RNF216: variants seen among roughly 807,000 people sequenced by gnomAD.
The protein encoded by RNF216 is E3 ubiquitin-protein ligase RNF216.
RNF216 carries 72 observed loss-of-function variants against 110.8 expected under a neutral mutation model. The observed-to-expected ratio is 0.65, with a 90% confidence interval of 0.54 to 0.79. The LOEUF is 0.79. RNF216 is among the 30% of genes least tolerant of loss of function. The pLI is 0.00. For synonymous variants in RNF216, 495 were observed against 407.5 expected (o/e 1.21, Z -2.59); for missense variants, 1,342 against 1,141.2 (o/e 1.18, Z -2.54).
chr7:5,707,417 TTC>T (rs1792363753), intron 13 of RNF216, among the ~76,000 whole-genome samples: 1 of 152,224 alleles, frequency 6.6e-6, no homozygotes, highest in African/African-American at 2.4e-5. Context: ...TTTTCTTAAT[TTC>T]TCTTTTTGGA....
intron 13 of RNF216, among the ~76,000 whole-genome samples, chr7:5,685,994 G>T (rs144046564): frequency 6.6e-6 from 1 of 151,902 alleles, no homozygotes; most frequent in Non-Finnish European, 1.5e-5. Context: ...AGGCTGAGGC[G>T]GACGGATCAT....
chr7:5,698,054 G>A (rs748894554), intron 13 of RNF216, among the ~76,000 whole-genome samples: 2 of 152,086 alleles, frequency 1.3e-5, no homozygotes, highest in African/African-American at 2.4e-5. Context: ...AGCTTCTGAC[G>A]GGAAATAAAA....
chr7:5,717,014 T>C (rs755718413), intron 9 of RNF216, among the ~76,000 whole-genome samples: 3 of 152,100 alleles, frequency 2.0e-5, no homozygotes, highest in Non-Finnish European at 4.4e-5. Flanking sequence ...CATAAAACAC[T>C]TTGAACAGCA....
intron 3 of RNF216, among the ~76,000 whole-genome samples, chr7:5,752,045 C>T (rs1466904253): frequency 1.3e-5 from 2 of 151,952 alleles, no homozygotes; most frequent in Middle Eastern, 3.4e-3. Context: ...ATTAGCCAGG[C>T]CTGGTGGCGG....
chr7:5,730,839 C>T (rs745513144), intron 5 of RNF216, 22 bp from the exon 6 acceptor site: 17 of 1,574,484 alleles, frequency 1.1e-5, no homozygotes, highest in Admixed American at 1.8e-5. Flanking sequence ...AATGATGTTA[C>T]TTTCATACTG....
chr7:5,775,425 A>G (rs1232401673), intron 1 of RNF216, among the ~76,000 whole-genome samples: 20 of 152,074 alleles, frequency 1.3e-4, no homozygotes, highest in Admixed American at 1.2e-3. Context: ...ATATGCTCCT[A>G]AACTACTACT....
At chr7:5,760,709 G>A (rs1039379826) in intron 2 of RNF216, among the ~76,000 whole-genome samples, 13 of 152,056 alleles carry the variant, frequency 8.5e-5, no homozygotes, top group Admixed American at 3.3e-4. Flanking sequence ...TAATCACCAC[G>A]CCTTCAAAAA....
intron 5 of RNF216, among the ~76,000 whole-genome samples, chr7:5,735,640 A>C (rs1562443778): frequency 6.6e-6 from 1 of 152,198 alleles, no homozygotes; most frequent in South Asian, 2.1e-4. Flanking sequence ...AGAGACAAAG[A>C]GGTGGACTTA....
At chr7:5,723,989 G>A (rs1426273224) in intron 8 of RNF216, among the ~76,000 whole-genome samples, 1 of 152,138 alleles carries the variant, frequency 6.6e-6, no homozygotes, top group African/African-American at 2.4e-5. Flanking sequence ...TAAAATTAAA[G>A]AATCAGCACC....
At chr7:5,675,852 G>T (rs1331384208) in intron 13 of RNF216, among the ~76,000 whole-genome samples, 1 of 151,854 alleles carries the variant, frequency 6.6e-6, no homozygotes, top group Non-Finnish European at 1.5e-5. Flanking sequence ...TGGGATTACA[G>T]GCATGCACCA....
chr7:5,623,269 G>C, intron 16 of RNF216, 90 bp from the exon 17 acceptor site: 1 of 1,218,886 alleles, frequency 8.2e-7, no homozygotes, highest in South Asian at 1.5e-5. Flanking sequence ...CTCTGGACAC[G>C]GGAGTGGCTC....
At chr7:5,674,952 G>C (rs373726004) in intron 13 of RNF216, among the ~76,000 whole-genome samples, 28 of 152,008 alleles carry the variant, frequency 1.8e-4, no homozygotes, top group African/African-American at 6.8e-4. Flanking sequence ...AGCTGAGATC[G>C]CGCCACTGCA....
chr7:5,777,172 A>G (rs1234461412), intron 1 of RNF216, among the ~76,000 whole-genome samples: 2 of 152,184 alleles, frequency 1.3e-5, no homozygotes, highest in Non-Finnish European at 2.9e-5. Context: ...CGAAGAAGAC[A>G]TTGTGGAAGC....
At chr7:5,737,960 C>T (rs1254477377) in intron 5 of RNF216, among the ~76,000 whole-genome samples, 1 of 151,714 alleles carries the variant, frequency 6.6e-6, no homozygotes, top group Non-Finnish European at 1.5e-5. Flanking sequence ...GGGTGGAGTA[C>T]GCCTGTAATG....
At chr7:5,750,646 G>C (rs755145981) in intron 3 of RNF216, among the ~76,000 whole-genome samples, 1 of 152,118 alleles carries the variant, frequency 6.6e-6, no homozygotes, top group Non-Finnish European at 1.5e-5. Context: ...CTAATGCATG[G>C]GCCACACAGA....
At chr7:5,737,721 C>A (rs1382401872) in intron 5 of RNF216, among the ~76,000 whole-genome samples, 1 of 152,036 alleles carries the variant, frequency 6.6e-6, no homozygotes, top group East Asian at 1.9e-4. Context: ...AAGAAACTCA[C>A]CTGCAACCTT....
At chr7:5,715,402 G>C (rs1359382144) in intron 10 of RNF216, among the ~76,000 whole-genome samples, 1 of 152,036 alleles carries the variant, frequency 6.6e-6, no homozygotes, top group East Asian at 1.9e-4. Flanking sequence ...AAAACAGCGA[G>C]GTTTTCGTGT....
At chr7:5,721,664 T>A (rs572654188) in intron 8 of RNF216, among the ~76,000 whole-genome samples, 2 of 152,324 alleles carry the variant, frequency 1.3e-5, no homozygotes, top group Admixed American at 6.5e-5. Context: ...CAGCAATGCA[T>A]GTGAGTTCCA....
At chr7:5,691,434 C>G (rs74730335) in intron 13 of RNF216, among the ~76,000 whole-genome samples, 3 of 149,106 alleles carry the variant, frequency 2.0e-5, no homozygotes, top group African/African-American at 7.5e-5. Context: ...CAGATGAATG[C>G]GTAAGTGTAC....
Sources: allele counts gnomAD v4.1 joint callset (sites outside exome capture counted in the v4.1 genomes callset), GRCh38; gene constraint gnomAD v4.1.1; transcripts MANE v1.5; gene names NCBI Gene and HGNC (gene_info 2026-07-23, HGNC 2026-07-21).